Variants in IL1RAP observed in about 807,000 individuals in gnomAD.
IL1RAP encodes interleukin-1 receptor accessory protein.
Under a neutral mutation model 60.7 loss-of-function variants are expected in IL1RAP, and 35 were observed. That is an observed-to-expected ratio of 0.58 (90% confidence interval 0.44 to 0.76). The LOEUF (loss-of-function observed/expected upper bound fraction) is 0.76, where lower values mean the gene tolerates loss of function less well. Ranked by LOEUF, IL1RAP falls within the 30% of genes least tolerant of loss-of-function variation. The probability of loss-of-function intolerance (pLI) is 0.00; values close to 1 mark genes in which losing one functional copy is unlikely to be tolerated. For synonymous variants in IL1RAP, 268 were observed against 250.9 expected (o/e 1.07, Z -0.64); for missense variants, 572 against 693.9 (o/e 0.82, Z 1.97).
At chr3:190,577,581 T>C (rs1348825151) in intron 3 of IL1RAP, among the ~76,000 whole-genome samples, 3 of 152,190 alleles carry the variant, frequency 2.0e-5, no homozygotes, top group African/African-American at 7.2e-5. Context: ...AGGATCTTGC[T>C]CTGTTACCTA....
At chr3:190,540,444 T>A (rs1178563681) in intron 1 of IL1RAP, among the ~76,000 whole-genome samples, 1 of 152,120 alleles carries the variant, frequency 6.6e-6, no homozygotes, top group East Asian at 1.9e-4. Flanking sequence ...AACCTGTCTA[T>A]AGGGAAATTT....
chr3:190,590,889 T>C (rs1476416450), intron 3 of IL1RAP, among the ~76,000 whole-genome samples: 2 of 152,220 alleles, frequency 1.3e-5, no homozygotes, highest in South Asian at 4.1e-4. Context: ...ACTGGGACAA[T>C]GTAGTAGAAC....
chr3:190,571,326 A>G (rs1379792062), intron 3 of IL1RAP, among the ~76,000 whole-genome samples: 1 of 151,928 alleles, frequency 6.6e-6, no homozygotes, highest in Non-Finnish European at 1.5e-5. Context: ...AGCCTGCACA[A>G]AATAATAAGA....
At chr3:190,569,969 G>C (rs1186197098) in intron 3 of IL1RAP, among the ~76,000 whole-genome samples, 7 of 152,114 alleles carry the variant, frequency 4.6e-5, no homozygotes, top group African/African-American at 1.4e-4. Flanking sequence ...TTAGGGACCA[G>C]ATTGCCACCT....
chr3:190,516,562 A>G (rs1721538101), intron 1 of IL1RAP, among the ~76,000 whole-genome samples: 1 of 152,220 alleles, frequency 6.6e-6, no homozygotes, highest in South Asian at 2.1e-4. Flanking sequence ...CTTGTTACTC[A>G]CAATAGCCCT....
At chr3:190,514,706 C>A (rs900335924) in intron 1 of IL1RAP, among the ~76,000 whole-genome samples, 5 of 152,206 alleles carry the variant, frequency 3.3e-5, no homozygotes, top group African/African-American at 1.2e-4. Flanking sequence ...ACTCCCTCTT[C>A]CCCTGACCTG....
chr3:190,611,982 C>A (rs1730862586), intron 5 of IL1RAP, among the ~76,000 whole-genome samples: 1 of 152,082 alleles, frequency 6.6e-6, no homozygotes, highest in South Asian at 2.1e-4. Flanking sequence ...TTGGAACATA[C>A]AATACTAATG....
intron 2 of IL1RAP, among the ~76,000 whole-genome samples, chr3:190,562,855 G>T (rs977648203): frequency 2.6e-5 from 4 of 152,000 alleles, no homozygotes; most frequent in African/African-American, 4.8e-5. Flanking sequence ...ATTTCCCCAA[G>T]GTCATAATAT....
At chr3:190,621,046 C>T (rs907778482) in intron 6 of IL1RAP, among the ~76,000 whole-genome samples, 2 of 152,086 alleles carry the variant, frequency 1.3e-5, no homozygotes, top group African/African-American at 4.8e-5. Flanking sequence ...TGACAAACTC[C>T]TAGCAAACCC....
intron 1 of IL1RAP, among the ~76,000 whole-genome samples, chr3:190,534,543 G>A (rs1488182376): frequency 2.0e-5 from 3 of 152,140 alleles, no homozygotes; most frequent in African/African-American, 7.2e-5. Context: ...ACAAAGTCGT[G>A]GGAAAAGAAC....
At chr3:190,572,479 T>C (rs1351848766) in intron 3 of IL1RAP, among the ~76,000 whole-genome samples, 1 of 151,650 alleles carries the variant, frequency 6.6e-6, no homozygotes, top group Non-Finnish European at 1.5e-5. Flanking sequence ...AAAAGAGAGA[T>C]AGTAGGAAAA....
intron 4 of IL1RAP, 79 bp downstream of exon 4, chr3:190,604,492 A>C: frequency 7.0e-7 from 1 of 1,419,636 alleles, no homozygotes; most frequent in Non-Finnish European, 9.5e-7. Context: ...TGTGCTAGGA[A>C]GCTGGGGAGA....
In IL1RAP at chr3:190,590,257, C is replaced by CT. The variant is rs1403184229; in HGVS notation, c.65-13858dup. ...AACTGTGGACAGGATTCTTCTTCTT[C>CT]TTTTTTTTTTTTTGGTGAGACGGAG... On this transcript the variant is annotated intron_variant, in intron 3 of 11. Transcript: ENST00000447382. Among the ~76,000 whole-genome samples, 783 of 143,996 alleles carry CT rather than the reference C, an allele frequency of 5.4e-3. 5 individuals are homozygous for CT. The highest frequency in any genetic ancestry group is 0.014 in the African/African-American group (569 of 39,548). 94.5% of individuals were successfully genotyped at this position (143,996 alleles called of 152,430 possible).
chr3:190,525,538 T>G (rs1429167038), intron 1 of IL1RAP, among the ~76,000 whole-genome samples: 1 of 152,158 alleles, frequency 6.6e-6, no homozygotes, highest in East Asian at 1.9e-4. Context: ...TCAAAGGTGT[T>G]TAGAGCCTTG....
At chr3:190,602,186 G>A (rs1454330520) in intron 3 of IL1RAP, among the ~76,000 whole-genome samples, 1 of 152,018 alleles carries the variant, frequency 6.6e-6, no homozygotes, top group African/African-American at 2.4e-5. Context: ...ATATAAAATG[G>A]GTATACAGCT....
Position 190,649,198 on chromosome 3 carries a change from G to A in IL1RAP, c.*493G>A, listed in dbSNP as rs192606281. 8.1e-6 allele frequency: 8 copies of A among 986,914 alleles called. No individual in the cohort carries two copies. The East Asian group carries it at 3.4e-4, about 42-fold the overall frequency. 61.1% of individuals were successfully genotyped at this position (986,914 alleles called of 1,614,324 possible). A position where few individuals can be genotyped will look rare whatever the true frequency, so the allele number is the denominator to read the frequency against. ...GGATAATGAACTTTTTTCCTCATTC[G>A]GCTGTATAATACATAACCACAGCAA... On this transcript the variant is annotated 3_prime_UTR_variant, in exon 12 of 12. Coordinates refer to ENST00000447382, the MANE Select transcript of IL1RAP (RefSeq NM_002182.4).
At chr3:190,648,247 AC>A in intron 11 of IL1RAP, 90 bp from the exon 12 acceptor site, 1 of 1,492,230 alleles carries the variant, frequency 6.7e-7, no homozygotes, top group South Asian at 1.4e-5. Context: ...TTAGGCTGGT[AC>A]CCTAAGTTCC....
intron 3 of IL1RAP, among the ~76,000 whole-genome samples, chr3:190,600,435 C>T (rs1208742384): frequency 1.3e-5 from 2 of 152,106 alleles, no homozygotes; most frequent in East Asian, 1.9e-4. Context: ...CCCATATCTT[C>T]GGTTTTGAGA....
intron 9 of IL1RAP, among the ~76,000 whole-genome samples, chr3:190,630,726 G>C (rs7642797): frequency 6.6e-6 from 1 of 152,140 alleles, no homozygotes; most frequent in Admixed American, 6.5e-5. Context: ...TTGAGTTCTC[G>C]GGAACACTAC....
Sources: gnomAD v4.1 joint callset for allele counts (sites outside exome capture counted in the v4.1 genomes callset) on GRCh38, gnomAD v4.1.1 for gene constraint, MANE v1.5 for transcripts, NCBI Gene and HGNC (gene_info 2026-07-23, HGNC 2026-07-21) for gene names.